Variants in PHTF2 observed in about 807,000 individuals in gnomAD.
PHTF2 encodes the protein protein PHTF2.
Under a neutral mutation model 101.2 loss-of-function variants are expected in PHTF2, and 60 were observed. The ratio of observed to expected loss-of-function variants is 0.59; its 90% CI spans 0.48 to 0.73. The LOEUF is 0.73. PHTF2 is among the 30% of genes least tolerant of loss of function. The probability of loss-of-function intolerance (pLI) is 0.00; values close to 1 mark genes in which losing one functional copy is unlikely to be tolerated. For synonymous variants in PHTF2, 311 were observed against 307.3 expected, an observed-to-expected ratio of 1.01 and a Z score of -0.13; for missense variants, 747 against 908.7, an observed-to-expected ratio of 0.82 and a Z score of 2.29.
At chr7:77,852,878 C>T (rs1043285387) in intron 2 of PHTF2, among the ~76,000 whole-genome samples, 4 of 151,910 alleles carry the variant, frequency 2.6e-5, no homozygotes, top group South Asian at 2.1e-4. Flanking sequence ...AGTTTTTTTC[C>T]GTCAGCACTT....
intron 16 of PHTF2, among the ~76,000 whole-genome samples, chr7:77,948,237 A>G (rs1806251283): frequency 6.6e-6 from 1 of 152,150 alleles, no homozygotes; most frequent in Non-Finnish European, 1.5e-5. Flanking sequence ...ATTTTTGCCC[A>G]GGTATAGAAT....
intron 3 of PHTF2, among the ~76,000 whole-genome samples, chr7:77,879,157 A>G (rs573515704): frequency 6.6e-6 from 1 of 152,346 alleles, no homozygotes; most frequent in East Asian, 1.9e-4. Flanking sequence ...TCTTAGTGGT[A>G]TGCAATAGTA....
intron 3 of PHTF2, among the ~76,000 whole-genome samples, chr7:77,889,470 T>G (rs1006275749): frequency 6.6e-6 from 1 of 152,006 alleles, no homozygotes; most frequent in Admixed American, 6.5e-5. Context: ...CATCTCCTTC[T>G]GAGACACCTG....
intron 1 of PHTF2, among the ~76,000 whole-genome samples, chr7:77,822,586 T>C (rs1794376744): frequency 6.6e-6 from 1 of 152,084 alleles, no homozygotes; most frequent in Non-Finnish European, 1.5e-5. Flanking sequence ...TGTAGGTGTT[T>C]GCAGTGGCAG....
intron 2 of PHTF2, among the ~76,000 whole-genome samples, chr7:77,854,215 G>A (rs1230619807): frequency 2.6e-5 from 4 of 152,222 alleles, no homozygotes; most frequent in African/African-American, 4.8e-5. Flanking sequence ...TGCAGGTACT[G>A]CTTTGGTTGT....
chr7:77,815,010 G>A (rs113938962), intron 1 of PHTF2, among the ~76,000 whole-genome samples: 7,341 of 152,000 alleles, frequency 0.048, 257 homozygotes, highest in South Asian at 0.15. Context: ...CCGGGAGGTG[G>A]AGGATGCAGT....
exon 11 of PHTF2, chr7:77,922,742 A>G (rs773902140): frequency 1.4e-5 from 23 of 1,606,158 alleles, no homozygotes; most frequent in Middle Eastern, 1.7e-4. Context: ...TTCGGAATAG[A>G]AAGTCACACC....
rs191610435 is a variant in PHTF2, at chr7:77,838,638, G to A, written c.-35-1583G>A. Among the ~76,000 whole-genome samples, 285 of 152,212 alleles carry A rather than the reference G, an allele frequency of 1.9e-3. 1 individual carries two copies. Among genetic ancestry groups the A allele is most frequent in the South Asian group, 8.7e-3 (42 of 4,828 alleles). ...GTTACAAAGATCCTATAAGGGGTGG[G>A]GAGGTACAGTTATTTCTAGTTTATA... On this transcript the variant is annotated intron_variant, in intron 1 of 19. Transcript: ENST00000416283.
intron 5 of PHTF2, among the ~76,000 whole-genome samples, chr7:77,894,383 ATTACC>A (rs1256603238): frequency 1.3e-5 from 2 of 152,174 alleles, no homozygotes; most frequent in African/African-American, 2.4e-5. Flanking sequence ...CACAGACAGT[ATTACC>A]TTAGTTACTT....
chr7:77,943,667 A>G (rs1328073399), intron 16 of PHTF2, among the ~76,000 whole-genome samples: 1 of 152,206 alleles, frequency 6.6e-6, no homozygotes, highest in Non-Finnish European at 1.5e-5. Flanking sequence ...AAATATATGC[A>G]AACCTCCATT....
chr7:77,895,958 C>G (rs1371451760), intron 5 of PHTF2: 2 of 152,054 alleles, frequency 1.3e-5, no homozygotes, highest in Non-Finnish European at 2.9e-5. Flanking sequence ...TTCACTCTTT[C>G]CTTCTTTCCC....
intron 3 of PHTF2, among the ~76,000 whole-genome samples, chr7:77,876,534 T>A (rs6955427): frequency 1.3e-5 from 2 of 152,172 alleles, no homozygotes; most frequent in Non-Finnish European, 2.9e-5. Flanking sequence ...AGCAACACTT[T>A]TATTAGTGGT....
chr7:77,920,299 C>A lies in PHTF2; in HGVS notation c.797C>A (p.Ser266Ter). The change falls in exon 10 of 20, where the codon TCA becomes TAA. Residue 266 changes from serine (S) to a stop codon, truncating the protein, a stop_gained. Transcript: ENST00000416283. LOFTEE classifies it high-confidence loss of function. ...TTTAGATCAAAGAAAGCAAAGAATT[C>A]AATTGATAAATCAACTGAAACTGAC... 1 of 1,586,900 alleles carries A rather than the reference C, an allele frequency of 6.3e-7. No individual in the cohort carries two copies. The highest frequency in any genetic ancestry group is 8.6e-7 in the Non-Finnish European group (1 of 1,164,916).
intron 3 of PHTF2, among the ~76,000 whole-genome samples, chr7:77,877,354 C>T (rs898052249): frequency 3.9e-5 from 6 of 152,094 alleles, no homozygotes; most frequent in East Asian, 1.9e-4. Flanking sequence ...TCCCCGCTCT[C>T]GGCCTCCCAA....
At chr7:77,837,610 A>G (rs1429493953) in intron 1 of PHTF2, among the ~76,000 whole-genome samples, 1 of 152,186 alleles carries the variant, frequency 6.6e-6, no homozygotes, top group Non-Finnish European at 1.5e-5. Context: ...AAATTCGTTG[A>G]ATTTTTATTT....
At chr7:77,914,188 A>G (rs1434324511) in intron 9 of PHTF2, among the ~76,000 whole-genome samples, 4 of 152,224 alleles carry the variant, frequency 2.6e-5, no homozygotes, top group Non-Finnish European at 5.9e-5. Context: ...AAAATCACAT[A>G]TAAACCCACT....
At chr7:77,915,621 T>G (rs1344746773) in intron 9 of PHTF2, among the ~76,000 whole-genome samples, 1 of 152,150 alleles carries the variant, frequency 6.6e-6, no homozygotes. Flanking sequence ...TTTTCACTGA[T>G]TTCATCTTAA....
chr7:77,831,918 G>C (rs952790079), intron 1 of PHTF2, among the ~76,000 whole-genome samples: 1 of 152,182 alleles, frequency 6.6e-6, no homozygotes, highest in African/African-American at 2.4e-5. Context: ...TGTCTGTGCA[G>C]CTCTGTGAGG....
At chr7:77,826,798 C>G (rs1794726219) in intron 1 of PHTF2, among the ~76,000 whole-genome samples, 1 of 152,160 alleles carries the variant, frequency 6.6e-6, no homozygotes, top group Non-Finnish European at 1.5e-5. Flanking sequence ...AGTGGTTAAT[C>G]AAATACACAG....
Sources: allele counts gnomAD v4.1 joint callset (sites outside exome capture counted in the v4.1 genomes callset), GRCh38; gene constraint gnomAD v4.1.1; transcripts MANE v1.5; gene names NCBI Gene and HGNC (gene_info 2026-07-23, HGNC 2026-07-21).